SLC9A9: variants seen among roughly 807,000 people sequenced by gnomAD.
The protein encoded by SLC9A9 is sodium/hydrogen exchanger 9.
SLC9A9 carries 62 observed loss-of-function variants against 77.8 expected under a neutral mutation model. The ratio of observed to expected loss-of-function variants is 0.80; its 90% CI spans 0.65 to 0.98. The LOEUF (loss-of-function observed/expected upper bound fraction) is 0.98, where lower values mean the gene tolerates loss of function less well. Ranked by LOEUF, SLC9A9 falls within the 50% of genes least tolerant of loss-of-function variation. The pLI is 0.00. For synonymous variants in SLC9A9, 320 were observed against 283.5 expected (o/e 1.13, Z -1.29); for missense variants, 775 against 774.9 (o/e 1.00, Z 0.00).
At chr3:143,386,126 T>C (rs78511578) in intron 12 of SLC9A9, among the ~76,000 whole-genome samples, 4 of 152,118 alleles carry the variant, frequency 2.6e-5, no homozygotes, top group African/African-American at 9.7e-5. Flanking sequence ...AGATCTCCCA[T>C]CACTAGAAGT....
intron 6 of SLC9A9, among the ~76,000 whole-genome samples, chr3:143,584,539 G>A (rs2037510340): frequency 6.6e-6 from 1 of 152,202 alleles, no homozygotes; most frequent in African/African-American, 2.4e-5. Flanking sequence ...CAGAAAAAAT[G>A]AGAAAATGAT....
rs184468215 is a variant in SLC9A9 at position 143,350,587 on chromosome 3, G to T, written c.1604+12897C>A. The stretch of plus-strand genomic sequence containing the variant: ...CACCTTTACTTGTGACCTTTGCTTT[G>T]TCTGGAAAAAGAAAACACGTCTGTT... On this transcript the variant is annotated intron_variant, in intron 14 of 15. Transcript: ENST00000316549. Among the ~76,000 whole-genome samples, 3 of 152,184 alleles carry T rather than the reference G, an allele frequency of 2.0e-5. No individual in the cohort carries two copies. In the East Asian group the frequency reaches 5.8e-4, roughly 29 times the overall value.
intron 4 of SLC9A9, among the ~76,000 whole-genome samples, chr3:143,767,277 A>C (rs756200167): frequency 6.6e-6 from 1 of 152,064 alleles, no homozygotes; most frequent in African/African-American, 2.4e-5. Flanking sequence ...TGAATTTCCC[A>C]TACTGAGTAA....
intron 3 of SLC9A9, 61 bp downstream of exon 3, chr3:143,796,765 T>G (rs1013196108): frequency 1.7e-6 from 2 of 1,201,400 alleles, no homozygotes; most frequent in African/African-American, 3.0e-5. Flanking sequence ...CAGTTTCTCA[T>G]TAGTGCTGGT....
chr3:143,833,181 A>C (rs1360692689), intron 1 of SLC9A9, among the ~76,000 whole-genome samples: 1 of 152,232 alleles, frequency 6.6e-6, no homozygotes, highest in South Asian at 2.1e-4. Context: ...TTTGGGATAA[A>C]TGATCCAGAG....
intron 13 of SLC9A9, among the ~76,000 whole-genome samples, chr3:143,375,768 C>T (rs1229657728): frequency 1.3e-5 from 2 of 152,182 alleles, no homozygotes; most frequent in African/African-American, 2.4e-5. Context: ...ATTGTTCACG[C>T]CTCTGAGATT....
At position 143,382,266 on chromosome 3, in the gene SLC9A9, A is replaced by G. The variant is rs1445292740; in HGVS notation, c.1470-152T>C. ...CGTCTTCTTGAATCAAAAGAACCTC[A>G]GATTTATACCAAAATAAGAACTTGA... On this transcript the variant is annotated intron_variant, in intron 12 of 15. Transcript: ENST00000316549. The G allele has an allele frequency of 5.7e-5, 45 of 793,752 alleles. 1 individual carries two copies. In the South Asian group the frequency reaches 5.8e-4, roughly 10 times the overall value. The allele number at this position is 793,752 out of a possible 1,614,324, so 49.2% of individuals were successfully genotyped here. A position where few individuals can be genotyped will look rare whatever the true frequency, so the allele number is the denominator to read the frequency against.
chr3:143,744,347 C>T (rs1170612450), intron 4 of SLC9A9, among the ~76,000 whole-genome samples: 1 of 152,128 alleles, frequency 6.6e-6, no homozygotes, highest in Non-Finnish European at 1.5e-5. Context: ...CAAAGACATC[C>T]CTCGTGGTGC....
rs369000944 is a variant in SLC9A9, at chr3:143,427,893, G to A, written c.1469+39144C>T. Among the ~76,000 whole-genome samples, 10 of 152,224 alleles carry A rather than the reference G, an allele frequency of 6.6e-5. No individual in the cohort carries two copies. In the East Asian group the frequency reaches 1.5e-3, roughly 23 times the overall value. The stretch of plus-strand genomic sequence containing the variant: ...GAAACTACCCCTCCCCCATGCAGAA[G>A]AATAAAACTGGACTCCTGTCTCTCA... On this transcript the variant is annotated intron_variant, in intron 12 of 15. Coordinates refer to ENST00000316549, the MANE Select transcript of SLC9A9 (RefSeq NM_173653.4).
intron 9 of SLC9A9, among the ~76,000 whole-genome samples, chr3:143,537,571 T>C (rs16853772): frequency 0.1 from 15,384 of 152,284 alleles, 1,275 homozygotes; most frequent in African/African-American, 0.21. Flanking sequence ...CTGTCTTGGC[T>C]ACTTATTTCT....
At chr3:143,309,280 G>T (rs564281213) in intron 14 of SLC9A9, among the ~76,000 whole-genome samples, 57 of 152,312 alleles carry the variant, frequency 3.7e-4, no homozygotes, top group African/African-American at 1.3e-3. Context: ...GGGATAGGCA[G>T]ATGGTAGGAA....
chr3:143,419,370 A>G (rs967802738), intron 12 of SLC9A9, among the ~76,000 whole-genome samples: 1 of 152,214 alleles, frequency 6.6e-6, no homozygotes, highest in African/African-American at 2.4e-5. Flanking sequence ...AATTCAACCC[A>G]GGCAGCCTTG....
At chr3:143,750,652 T>C (rs2006673673) in intron 4 of SLC9A9, among the ~76,000 whole-genome samples, 1 of 151,592 alleles carries the variant, frequency 6.6e-6, no homozygotes, top group African/African-American at 2.4e-5. Flanking sequence ...ATATCCTTGT[T>C]GAGTACTAAT....
At chr3:143,283,786 C>G (rs1297387230) in intron 14 of SLC9A9, among the ~76,000 whole-genome samples, 2 of 152,154 alleles carry the variant, frequency 1.3e-5, no homozygotes, top group African/African-American at 4.8e-5. Flanking sequence ...CCATATCCAC[C>G]ATATCAACAC....
rs542990130 is a variant in SLC9A9 at position 143,483,942 on chromosome 3, C to G, written c.1315+9711G>C. ...TTGTCTTGTTCGCACAAATACCTAC[C>G]CAAGAAAGTGCATCAATAAATGTCT... On this transcript the variant is annotated intron_variant, in intron 11 of 15. Transcript: ENST00000316549. Among the ~76,000 whole-genome samples the G allele has an allele frequency of 2.6e-5, 4 of 152,166 alleles. No homozygotes were observed. In the East Asian group the frequency reaches 7.8e-4, roughly 29 times the overall value.
At chr3:143,575,819 G>C (rs190610270) in intron 7 of SLC9A9, among the ~76,000 whole-genome samples, 1 of 152,282 alleles carries the variant, frequency 6.6e-6, no homozygotes, top group East Asian at 1.9e-4. Flanking sequence ...CCTACAACCC[G>C]AGGAGACAGC....
chr3:143,499,686 C>A lies in SLC9A9; in HGVS notation c.1090-4238G>T, dbSNP rs185339588. 2.1e-3 allele frequency among the ~76,000 whole-genome samples: 323 copies of A among 152,156 alleles called. 3 individuals are homozygous for A. Among genetic ancestry groups the A allele is most frequent in the Admixed American group, 4.9e-3 (75 of 15,282 alleles). ...CAAAATACAAGTGAGATATGGGCATCTTTGTTTTTTTCCCAATCTCAAAAT... is the reference window on the plus strand; with the variant it reads ...CAAAATACAAGTGAGATATGGGCATATTTGTTTTTTTCCCAATCTCAAAAT... On this transcript the variant is annotated intron_variant, in intron 9 of 15. Coordinates refer to ENST00000316549, the MANE Select transcript of SLC9A9 (RefSeq NM_173653.4).
intron 12 of SLC9A9, among the ~76,000 whole-genome samples, chr3:143,460,108 C>T (rs529124998): frequency 6.6e-6 from 1 of 152,288 alleles, no homozygotes; most frequent in South Asian, 2.1e-4. Context: ...TTGTAGCTTT[C>T]TCTCTCTTTC....
chr3:143,380,962 A>T (rs1003049516), intron 13 of SLC9A9, among the ~76,000 whole-genome samples: 4 of 152,244 alleles, frequency 2.6e-5, no homozygotes, highest in African/African-American at 7.2e-5. Context: ...TTCATTAAGC[A>T]ATATCACTTA....
Sources: allele counts gnomAD v4.1 joint callset (sites outside exome capture counted in the v4.1 genomes callset), GRCh38; gene constraint gnomAD v4.1.1; transcripts MANE v1.5; gene names NCBI Gene and HGNC (gene_info 2026-07-23, HGNC 2026-07-21).